The following GLYATL2 variants were observed in gnomAD, a reference collection of about 807,000 sequenced individuals.
The protein encoded by GLYATL2 is glycine N-acyltransferase-like protein 2.
A neutral mutation model predicts 21.4 loss-of-function variants in GLYATL2; 25 were observed. The ratio of observed to expected loss-of-function variants is 1.17; its 90% CI spans 0.85 to 1.63. The LOEUF is 1.63. GLYATL2 is among the 40% of genes most tolerant of loss of function. GLYATL2 has a pLI of 0.00. For synonymous variants in GLYATL2, 114 were observed against 118.2 expected, an observed-to-expected ratio of 0.96 and a Z score of 0.23; for missense variants, 361 against 343.3, an observed-to-expected ratio of 1.05 and a Z score of -0.41.
intron 1 of GLYATL2, among the ~76,000 whole-genome samples, chr11:58,899,092 T>TAACCTTG (rs1231215230): frequency 6.6e-6 from 1 of 152,182 alleles, no homozygotes; most frequent in Non-Finnish European, 1.5e-5. Flanking sequence ...AGAAAGAAGG[T>TAACCTTG]AACCTTGAAC....
chr11:58,868,069 G>A (rs1156637086), intron 1 of GLYATL2, among the ~76,000 whole-genome samples: 1 of 148,752 alleles, frequency 6.7e-6, no homozygotes, highest in African/African-American at 2.4e-5. Flanking sequence ...CTACAGATGG[G>A]AGAGGAGCCT....
intron 1 of GLYATL2, among the ~76,000 whole-genome samples, chr11:58,841,224 G>T (rs1026582687): frequency 4.6e-5 from 7 of 152,120 alleles, no homozygotes; most frequent in African/African-American, 1.7e-4. Flanking sequence ...ATGTATGCAT[G>T]TATATATGTA....
intron 1 of GLYATL2, chr11:58,892,683 AG>A: frequency 2.8e-6 from 1 of 356,970 alleles, no homozygotes; most frequent in Non-Finnish European, 5.4e-6. Flanking sequence ...AGTTTAGGTG[AG>A]GGGATAAGAG....
intron 1 of GLYATL2, among the ~76,000 whole-genome samples, chr11:58,843,069 T>C (rs1853581865): frequency 6.6e-6 from 1 of 152,176 alleles, no homozygotes; most frequent in South Asian, 2.1e-4. Flanking sequence ...TATGGTAAAA[T>C]TAATTTTGTT....
In GLYATL2 at chr11:58,858,861, G is replaced by C. The variant is rs114250557; in HGVS notation, n.61-20493C>G. Reference sequence around the variant, plus strand: ...CACCCAAGGTCCTCTTCCAATTCTTGCTTTTCTGAGTCAGATTTAGAGAGC... The same window carrying C: ...CACCCAAGGTCCTCTTCCAATTCTTCCTTTTCTGAGTCAGATTTAGAGAGC... On this transcript the variant is annotated intron_variant and non_coding_transcript_variant, in intron 1 of 4. Transcript: ENST00000533636. Among the ~76,000 whole-genome samples, 787 of 152,198 alleles carry C rather than the reference G, an allele frequency of 5.2e-3. 5 individuals carry two copies. The highest frequency in any genetic ancestry group is 0.018 in the African/African-American group (742 of 41,530).
upstream of GLYATL2, among the ~76,000 whole-genome samples, chr11:58,905,195 C>T (rs988418143): frequency 1.3e-5 from 2 of 152,252 alleles, no homozygotes; most frequent in African/African-American, 4.8e-5. Context: ...GCAGTGCTGG[C>T]CCCTTCCTCG....
rs1854478253 is a variant in GLYATL2 at position 58,888,324 on chromosome 11, T to C, written n.60+15832A>G. ...TTTTGAATTTTCATGTAATCAAATG[T>C]ATTATCTTTTTCACTATGTCCTCTG... is the stretch of plus-strand genomic sequence containing the variant. On this transcript the variant is annotated intron_variant and non_coding_transcript_variant, in intron 1 of 4. Transcript: ENST00000533636. Among the ~76,000 whole-genome samples the C allele has an allele frequency of 2.0e-5, 3 of 152,234 alleles. No homozygotes were observed. The South Asian group carries it at 6.2e-4, about 32-fold the overall frequency.
chr11:58,886,223 A>C (rs1415762723), intron 1 of GLYATL2, among the ~76,000 whole-genome samples: 3 of 152,194 alleles, frequency 2.0e-5, no homozygotes, highest in Non-Finnish European at 4.4e-5. Context: ...TCTTAAAAAA[A>C]AATGTTATTT....
intron 1 of GLYATL2, chr11:58,893,066 C>A: frequency 2.6e-6 from 1 of 388,304 alleles, no homozygotes; most frequent in Non-Finnish European, 4.9e-6. Flanking sequence ...TTTAAATATG[C>A]CAAGCTGGGT....
intron 1 of GLYATL2, among the ~76,000 whole-genome samples, chr11:58,872,485 T>G (rs999655748): frequency 6.6e-6 from 1 of 152,252 alleles, no homozygotes; most frequent in Non-Finnish European, 1.5e-5. Flanking sequence ...AGAGATCCAG[T>G]TTCAGCTTTC....
Position 58,844,381 on chromosome 11 carries a change from C to G in GLYATL2, c.-41+53G>C, listed in dbSNP as rs1446394037. 10 of 152,200 alleles carry G rather than the reference C, an allele frequency of 6.6e-5. No homozygotes were observed. In the East Asian group the frequency reaches 1.7e-3, roughly 26 times the overall value. The allele number at this position is 152,200 out of a possible 1,614,324, so 9.4% of individuals were successfully genotyped here. A position where few individuals can be genotyped will look rare whatever the true frequency, so the allele number is the denominator to read the frequency against. ...ATACAAATGATTTAGAACAAGAATC[C>G]AAATTAATTGAACTGCCAAGATAAA... On this transcript the variant is annotated intron_variant, in intron 1 of 5. Transcript: ENST00000287275.
chr11:58,855,638 G>A (rs372318548), intron 1 of GLYATL2, among the ~76,000 whole-genome samples: 3 of 152,240 alleles, frequency 2.0e-5, no homozygotes, highest in East Asian at 1.9e-4. Flanking sequence ...CAGCTTTGAA[G>A]TTAGGCATTG....
chr11:58,871,991 T>C (rs1854130748), intron 1 of GLYATL2, among the ~76,000 whole-genome samples: 1 of 152,212 alleles, frequency 6.6e-6, no homozygotes, highest in African/African-American at 2.4e-5. Context: ...TGGTGTGAAA[T>C]GGTATCTCAT....
chr11:58,846,388 T>C (rs1365366140), upstream of GLYATL2, among the ~76,000 whole-genome samples: 1 of 152,172 alleles, frequency 6.6e-6, no homozygotes, highest in Non-Finnish European at 1.5e-5. Context: ...TGAGCACTCA[T>C]AGTACCTGGT....
At chr11:58,894,311 G>A (rs1406583928) in intron 1 of GLYATL2, among the ~76,000 whole-genome samples, 1 of 152,088 alleles carries the variant, frequency 6.6e-6, no homozygotes, top group African/African-American at 2.4e-5. Flanking sequence ...AAGGACACGT[G>A]CCAAGCACTA....
intron 1 of GLYATL2, among the ~76,000 whole-genome samples, chr11:58,855,237 T>TAAGA (rs1853808420): frequency 6.6e-6 from 1 of 152,196 alleles, no homozygotes; most frequent in South Asian, 2.1e-4. Context: ...TGATAAATAA[T>TAAGA]AAGACTTGTA....
intron 1 of GLYATL2, chr11:58,892,864 T>A (rs1448184313): frequency 3.2e-6 from 1 of 315,994 alleles, no homozygotes; most frequent in Non-Finnish European, 6.3e-6. Context: ...GCTTATCATT[T>A]ATAATTGCTA....
At chr11:58,836,891 CT>C in intron 5 of GLYATL2, 123 bp downstream of exon 5, 1 of 833,962 alleles carries the variant, frequency 1.2e-6, no homozygotes, top group Non-Finnish European at 2.0e-6. Context: ...AACTCCCTTT[CT>C]TTACCCATGC....
At chr11:58,887,163 G>A (rs1301012038) in intron 1 of GLYATL2, among the ~76,000 whole-genome samples, 2 of 152,176 alleles carry the variant, frequency 1.3e-5, no homozygotes, top group South Asian at 2.1e-4. Flanking sequence ...CTTCACATAT[G>A]CATTGCTTTG....
Sources: gnomAD v4.1 joint callset for allele counts (sites outside exome capture counted in the v4.1 genomes callset) on GRCh38, gnomAD v4.1.1 for gene constraint, MANE v1.5 for transcripts, NCBI Gene and HGNC (gene_info 2026-07-23, HGNC 2026-07-21) for gene names.